Variants in SLC8A1 observed in about 807,000 individuals in gnomAD.
SLC8A1 encodes the protein solute carrier family 8 member A1, also known as sodium/calcium exchanger 1.
Under a neutral mutation model 68.3 loss-of-function variants are expected in SLC8A1, and 18 were observed. The ratio of observed to expected loss-of-function variants is 0.26; its 90% CI spans 0.18 to 0.39. SLC8A1 has a LOEUF of 0.39. SLC8A1 is among the 10% of genes least tolerant of loss of function. The probability of loss-of-function intolerance (pLI) is 1.00; values close to 1 mark genes in which losing one functional copy is unlikely to be tolerated. For missense variants in SLC8A1, 985 were observed against 1,156.7 expected, an observed-to-expected ratio of 0.85 and a Z score of 2.15; for synonymous variants, 475 against 415.5, an observed-to-expected ratio of 1.14 and a Z score of -1.74.
intron 2 of SLC8A1, among the ~76,000 whole-genome samples, chr2:40,254,182 AT>A (rs68133175): frequency 0.13 from 20,231 of 152,094 alleles, 1,635 homozygotes; most frequent in Middle Eastern, 0.21. Flanking sequence ...AAAAATTAAT[AT>A]AAAAAAAGAA....
chr2:40,359,644 C>T lies in SLC8A1; in HGVS notation c.1808+68829G>A, dbSNP rs146188262. Among the ~76,000 whole-genome samples, 9 of 152,142 alleles carry T rather than the reference C, an allele frequency of 5.9e-5. No individual in the cohort carries two copies. In the East Asian group the frequency reaches 1.5e-3, roughly 26 times the overall value. Reference sequence around the variant, plus strand: ...GATTTGAGAGATATTTAGGAAGAAACACATCAACAGGCTCTAGTAATGAAT... The same window carrying T: ...GATTTGAGAGATATTTAGGAAGAAATACATCAACAGGCTCTAGTAATGAAT... On this transcript the variant is annotated intron_variant, in intron 2 of 7. Coordinates refer to ENST00000406785, the Ensembl canonical transcript of SLC8A1.
At chr2:40,161,822 A>G (rs1277369986) in intron 5 of SLC8A1, among the ~76,000 whole-genome samples, 1 of 152,198 alleles carries the variant, frequency 6.6e-6, no homozygotes, top group Non-Finnish European at 1.5e-5. Flanking sequence ...AGCATCCTTG[A>G]ATTTCCACTA....
intron 2 of SLC8A1, among the ~76,000 whole-genome samples, chr2:40,212,709 C>A (rs1272650359): frequency 1.3e-5 from 2 of 152,224 alleles, no homozygotes; most frequent in East Asian, 1.9e-4. Context: ...AGTGAAGACT[C>A]TTCTTCTTTT....
chr2:40,464,668 G>C (rs1703555185), intron 1 of SLC8A1, among the ~76,000 whole-genome samples: 1 of 152,168 alleles, frequency 6.6e-6, no homozygotes, highest in Non-Finnish European at 1.5e-5. Context: ...ATTTAAAACA[G>C]TCTGAGAAGT....
intron 2 of SLC8A1, among the ~76,000 whole-genome samples, chr2:40,208,144 G>C (rs562545723): frequency 1.3e-5 from 2 of 152,234 alleles, no homozygotes; most frequent in South Asian, 4.1e-4. Context: ...AAAATAAAGG[G>C]TGTTAGTAGT....
At chr2:40,224,964 G>A (rs2058787300) in intron 2 of SLC8A1, among the ~76,000 whole-genome samples, 1 of 152,174 alleles carries the variant, frequency 6.6e-6, no homozygotes, top group Non-Finnish European at 1.5e-5. Context: ...TTCTGCAGAA[G>A]GCGAGAGTAA....
At chr2:40,186,310 G>C (rs2050691101) in intron 2 of SLC8A1, among the ~76,000 whole-genome samples, 1 of 152,158 alleles carries the variant, frequency 6.6e-6, no homozygotes, top group African/African-American at 2.4e-5. Flanking sequence ...TGATGAGCTT[G>C]CCATGGGTTG....
chr2:40,215,229 G>C (rs2057275142), intron 2 of SLC8A1, among the ~76,000 whole-genome samples: 1 of 152,034 alleles, frequency 6.6e-6, no homozygotes. Context: ...GAAGTGGTGT[G>C]TTCATGGCTC....
intron 2 of SLC8A1, among the ~76,000 whole-genome samples, chr2:40,281,802 G>T (rs1415758911): frequency 6.6e-6 from 1 of 152,198 alleles, no homozygotes; most frequent in Non-Finnish European, 1.5e-5. Flanking sequence ...CTGTAAGCCG[G>T]AATCAGCTAA....
At chr2:40,176,912 C>T (rs1342659240) in intron 3 of SLC8A1, among the ~76,000 whole-genome samples, 1 of 152,062 alleles carries the variant, frequency 6.6e-6, no homozygotes, top group Non-Finnish European at 1.5e-5. Context: ...ATATGAAGCC[C>T]TATGAACAAT....
intron 2 of SLC8A1, among the ~76,000 whole-genome samples, chr2:40,288,554 T>A (rs536392899): frequency 6.6e-6 from 1 of 152,138 alleles, no homozygotes; most frequent in South Asian, 2.1e-4. Context: ...ACAGGGAGAA[T>A]AACCCCTGTG....
At chr2:40,302,107 G>C (rs1010499935) in intron 2 of SLC8A1, among the ~76,000 whole-genome samples, 1 of 147,408 alleles carries the variant, frequency 6.8e-6, no homozygotes, top group East Asian at 2.1e-4. Flanking sequence ...GTGATGGCCA[G>C]GCTAGTCTTG....
intron 1 of SLC8A1, among the ~76,000 whole-genome samples, chr2:40,479,004 G>C (rs557649861): frequency 6.6e-6 from 1 of 151,786 alleles, no homozygotes; most frequent in Non-Finnish European, 1.5e-5. Flanking sequence ...ACTCCTGATC[G>C]CAGGTGATCC....
intron 2 of SLC8A1, among the ~76,000 whole-genome samples, chr2:40,413,532 T>A (rs1019412802): frequency 1.3e-5 from 2 of 152,210 alleles, no homozygotes; most frequent in Non-Finnish European, 2.9e-5. Flanking sequence ...AGCCCTTTTT[T>A]CTTAATAAAG....
intron 2 of SLC8A1, among the ~76,000 whole-genome samples, chr2:40,386,281 C>G (rs1433020385): frequency 1.3e-5 from 2 of 150,986 alleles, no homozygotes; most frequent in African/African-American, 4.9e-5. Context: ...AGATATTTTC[C>G]AGAATTTTAT....
At position 40,301,622 on chromosome 2, in the gene SLC8A1, G is replaced by T. The variant is rs566346503; in HGVS notation, c.1809-123767C>A. ...GGTGGGAGGGAAGTGAGGGATAAAA[G>T]ACTACAAATTGGGGCTGGGTGCGGT... On this transcript the variant is annotated intron_variant, in intron 2 of 7. Coordinates refer to ENST00000406785, the Ensembl canonical transcript of SLC8A1. Among the ~76,000 whole-genome samples the T allele has an allele frequency of 2.0e-5, 3 of 152,298 alleles. No individual in the cohort carries two copies. In the East Asian group the frequency reaches 5.8e-4, roughly 29 times the overall value.
At chr2:40,434,224 A>T (rs947633443) in intron 1 of SLC8A1, among the ~76,000 whole-genome samples, 8 of 152,220 alleles carry the variant, frequency 5.3e-5, no homozygotes, top group Non-Finnish European at 7.3e-5. Flanking sequence ...GGTGTTAACT[A>T]AAAACATTAC....
chr2:40,299,171 G>T (rs895617482), intron 2 of SLC8A1, among the ~76,000 whole-genome samples: 29 of 152,286 alleles, frequency 1.9e-4, no homozygotes, highest in African/African-American at 6.7e-4. Flanking sequence ...GCCATGTGAG[G>T]CTGTTGGGCT....
chr2:40,373,875 T>A (rs1559431228), intron 2 of SLC8A1, among the ~76,000 whole-genome samples: 1 of 152,088 alleles, frequency 6.6e-6, no homozygotes, highest in East Asian at 1.9e-4. Context: ...CCAAAAACAA[T>A]AGGTTTAGGT....
Sources: allele counts gnomAD v4.1 joint callset (sites outside exome capture counted in the v4.1 genomes callset), GRCh38; gene constraint gnomAD v4.1.1; transcripts MANE v1.5; gene names NCBI Gene and HGNC (gene_info 2026-07-23, HGNC 2026-07-21).